Variants in KCP observed in about 807,000 individuals in gnomAD.
The protein encoded by KCP is kielin/chordin-like protein.
KCP carries 194 observed loss-of-function variants against 212.7 expected under a neutral mutation model. The ratio of observed to expected loss-of-function variants is 0.91; its 90% CI spans 0.81 to 1.03. The LOEUF is 1.03. Among genes scored for constraint, KCP ranks in the 50% least tolerant of loss-of-function variants. The pLI, the probability that KCP is intolerant of heterozygous loss-of-function variation, is 0.00. For missense variants in KCP, 2,080 were observed against 2,162.5 expected (o/e 0.96, Z 0.76); for synonymous variants, 833 against 865.3 (o/e 0.96, Z 0.65).
intron 1 of KCP, among the ~76,000 whole-genome samples, chr7:128,910,014 G>C (rs116257193): frequency 4.7e-4 from 72 of 152,264 alleles, no homozygotes; most frequent in African/African-American, 1.6e-3. Flanking sequence ...CTCCTCCCAG[G>C]CCACTCCTCC....
intron 7 of KCP, chr7:128,903,391 A>G (rs1794960204): frequency 3.0e-6 from 1 of 337,350 alleles, no homozygotes; most frequent in Non-Finnish European, 5.4e-6. Context: ...TGGCTGTTAC[A>G]AGATTTTGCA....
rs531793798 is a variant in KCP, at chr7:128,893,775, C to T, written c.1099+31G>A. On this transcript the variant is annotated intron_variant, in intron 11 of 39. Transcript: ENST00000610776. Reference sequence around the variant, plus strand: ...CAGCCTCTCTGCAGCCAAGGCCTGCCCCTCCCGCAGAGACCCCGGCCCCCA... The same window carrying T: ...CAGCCTCTCTGCAGCCAAGGCCTGCTCCTCCCGCAGAGACCCCGGCCCCCA... 32 of 1,542,542 alleles carry T rather than the reference C, an allele frequency of 2.1e-5. No homozygotes were observed. In the African/African-American group the frequency reaches 3.6e-4, roughly 17 times the overall value.
chr7:128,899,825 G>T (rs1240319223), intron 8 of KCP, among the ~76,000 whole-genome samples: 2 of 130,472 alleles, frequency 1.5e-5, no homozygotes, highest in Non-Finnish European at 3.0e-5. Context: ...GACTGGAATG[G>T]CATACCTTAA....
Position 128,908,586 on chromosome 7 carries a change from C to T in KCP, c.77-18G>A, listed in dbSNP as rs1052113538. On this transcript the variant is annotated intron_variant, in intron 1 of 39. Transcript: ENST00000610776. The stretch of plus-strand genomic sequence containing the variant: ...AGCCCCACCTGAAGGGCACAAGAAT[C>T]CCATGTGGGCCTGAGGGTGAGGGGC... 2.6e-6 allele frequency: 4 copies of T among 1,545,346 alleles called. No individual in the cohort carries two copies. The Admixed American group carries it at 5.9e-5, about 23-fold the overall frequency.
chr7:128,887,524 C>T (rs1793735866), intron 22 of KCP, among the ~76,000 whole-genome samples: 1 of 150,824 alleles, frequency 6.6e-6, no homozygotes, highest in African/African-American at 2.4e-5. Flanking sequence ...GGGAGTGCAA[C>T]AGAAAACCTG....
At chr7:128,893,645 G>T (rs1045298498) in intron 11 of KCP, among the ~76,000 whole-genome samples, 161 bp downstream of exon 11, 3 of 152,140 alleles carry the variant, frequency 2.0e-5, no homozygotes, top group Admixed American at 6.5e-5. Flanking sequence ...AGAAGCGCAG[G>T]CCCCAGCATG....
Position 128,880,381 on chromosome 7 carries a change from C to A in KCP, c.3759+5G>T. 6.6e-7 allele frequency: 1 copy of A among 1,522,132 alleles called. No homozygotes were observed. 94.3% of individuals were successfully genotyped at this position (1,522,132 alleles called of 1,614,324 possible). On this transcript the variant is annotated splice_donor_5th_base_variant and intron_variant, in intron 34 of 39. Transcript: ENST00000610776. ...CTCCCCACCATTTTAGATTGCGGCA[C>A]TCACGGGGCCACACGAGAGCGGTGA...
intron 29 of KCP, among the ~76,000 whole-genome samples, chr7:128,883,531 C>T (rs1356965777): frequency 2.0e-5 from 3 of 152,178 alleles, no homozygotes; most frequent in African/African-American, 7.2e-5. Context: ...AAAAAATTCC[C>T]TCCACAACAA....
At chr7:128,907,610 A>T (rs1022380606) in intron 2 of KCP, among the ~76,000 whole-genome samples, 157 bp from the exon 3 acceptor site, 1 of 152,194 alleles carries the variant, frequency 6.6e-6, no homozygotes, top group Non-Finnish European at 1.5e-5. Context: ...TCAAACGATC[A>T]CCATTCTCAG....
chr7:128,894,142 A>G lies in KCP; in HGVS notation c.925+58T>C, dbSNP rs1249193894. 10 of 1,509,426 alleles carry G rather than the reference A, an allele frequency of 6.6e-6. No individual in the cohort carries two copies. The East Asian group carries it at 9.9e-5, about 15-fold the overall frequency. 93.5% of individuals were successfully genotyped at this position (1,509,426 alleles called of 1,614,324 possible). A position where few individuals can be genotyped will look rare whatever the true frequency, so the allele number is the denominator to read the frequency against. ...CATGGGCCCCCGAGCAGGGCCACCC[A>G]TCAATTTTCTCCAGGTTGCCCACCA... is the stretch of plus-strand genomic sequence containing the variant. On this transcript the variant is annotated intron_variant, in intron 9 of 39. Coordinates refer to ENST00000610776, the MANE Select transcript of KCP (RefSeq NM_001366122.1).
Position 128,890,887 on chromosome 7 carries a change from G to A in KCP, c.2164+18C>T, listed in dbSNP as rs865886043. 260 of 1,249,784 alleles carry A rather than the reference G, an allele frequency of 2.1e-4. No homozygotes were observed. In the Middle Eastern group the frequency reaches 6.1e-3, roughly 29 times the overall value. 77.4% of individuals were successfully genotyped at this position (1,249,784 alleles called of 1,614,324 possible). ...GGCAGGACGCGGGTGGCCGGGAGGGGCACCGCCAGGGCGTTACCGTCGCAG... is the reference window on the plus strand; with the variant it reads ...GGCAGGACGCGGGTGGCCGGGAGGGACACCGCCAGGGCGTTACCGTCGCAG... On this transcript the variant is annotated intron_variant, in intron 20 of 39. Coordinates refer to ENST00000610776, the MANE Select transcript of KCP (RefSeq NM_001366122.1).
At chr7:128,886,422 C>A in intron 26 of KCP, 42 bp downstream of exon 26, 1 of 1,495,102 alleles carries the variant, frequency 6.7e-7, no homozygotes, top group Non-Finnish European at 9.0e-7. Flanking sequence ...GGACACAGGG[C>A]CAAGGGGCTG....
Position 128,891,090 on chromosome 7 carries a change from G to T in KCP, c.1979C>A (p.Pro660Gln). 6.9e-7 allele frequency: 1 copy of T among 1,442,496 alleles called. No individual in the cohort carries two copies. The highest frequency in any genetic ancestry group is 1.5e-5 in the African/African-American group (1 of 67,642). 89.4% of individuals were successfully genotyped at this position (1,442,496 alleles called of 1,614,324 possible). ...GECCPQCPAA[P>Q]APAGCPRPGA... is the part of the protein sequence containing the mutation. ...GGGCCGTGGGCAGCCGGCGGGGGCT[G>T]GGGCGGCTGCGGCGAGACAGCGCAT... is the stretch of plus-strand genomic sequence containing the variant. The change falls in exon 20 of 40, where the codon CCA becomes CAA. Residue 660 changes from proline to glutamine, a missense_variant. Physicochemically the swap from Pro to Gln is moderately conservative, Grantham distance 76. Transcript: ENST00000610776.
At chr7:128,880,177 C>A in intron 34 of KCP, 92 bp from the exon 35 acceptor site, 2 of 1,354,500 alleles carry the variant, frequency 1.5e-6, no homozygotes, top group African/African-American at 1.5e-5. Context: ...TCCCAGGAGT[C>A]TCCAGGGATC....
rs1275011481 is a variant in KCP at position 128,879,962 on chromosome 7, C to T, written c.3883G>A (p.Gly1295Ser). ...TTGGCCAGCACATAGCTGCAACTGC[C>T]CTGGAAGTGCAGCAGGCGGCCGTCG... ...TFDGRLLHFQ[G>S]SCSYVLAKDC... The change falls in exon 35 of 40, where the codon GGC (glycine) becomes AGC (serine). Residue 1295 changes from glycine to serine, a missense_variant. By Grantham distance (56) the Gly-to-Ser change is moderately conservative. Coordinates refer to ENST00000610776, the MANE Select transcript of KCP (RefSeq NM_001366122.1). 6.4e-7 allele frequency: 1 copy of T among 1,550,810 alleles called. No homozygotes were observed. Among genetic ancestry groups the T allele is most frequent in the Non-Finnish European group, 8.7e-7 (1 of 1,146,942 alleles).
At chr7:128,906,066 A>AT (rs990489062) in intron 5 of KCP, among the ~76,000 whole-genome samples, 55 of 152,132 alleles carry the variant, frequency 3.6e-4, no homozygotes, top group African/African-American at 1.3e-3. Context: ...CAGGAAAAAG[A>AT]TTTTGTGCCT....
At chr7:128,902,957 G>T in intron 7 of KCP, 98 bp from the exon 8 acceptor site, 3 of 890,136 alleles carry the variant, frequency 3.4e-6, no homozygotes, top group Non-Finnish European at 5.4e-6. Context: ...CCCTCTGAGG[G>T]CTCTCTCCCG....
chr7:128,878,260 G>A (rs1793108963), intron 38 of KCP, among the ~76,000 whole-genome samples: 1 of 152,074 alleles, frequency 6.6e-6, no homozygotes, highest in Non-Finnish European at 1.5e-5. Flanking sequence ...GTTTCTCCAT[G>A]TTGGTCAGGC....
chr7:128,893,221 CCCCCTCTCACACACACCTGG>C lies in KCP; in HGVS notation c.1264_1267+16del. ...GGCAGCGCCCATAGCAGCTGCTCCT[CCCCCTCTCACACACACCTGG>C]GCAGAGCTGGCGGCCAGAGGCAGGC... On this transcript the variant is annotated splice_donor_variant and splice_donor_5th_base_variant and coding_sequence_variant and intron_variant, in exon 13 of 40. Transcript: ENST00000610776. LOFTEE classifies it high-confidence loss of function. 6.5e-7 allele frequency: 1 copy of C among 1,550,006 alleles called. No homozygotes were observed. The highest frequency in any genetic ancestry group is 8.7e-7 in the Non-Finnish European group (1 of 1,146,530).
Sources: allele counts gnomAD v4.1 joint callset (sites outside exome capture counted in the v4.1 genomes callset), GRCh38; gene constraint gnomAD v4.1.1; transcripts MANE v1.5; gene names NCBI Gene and HGNC (gene_info 2026-07-23, HGNC 2026-07-21).